MAMDC2: variants seen among roughly 807,000 people sequenced by gnomAD.
MAMDC2 encodes MAM domain-containing protein 2.
A neutral mutation model predicts 89.8 loss-of-function variants in MAMDC2; 57 were observed. The observed-to-expected ratio is 0.63, with a 90% CI of 0.51 to 0.79. The LOEUF (loss-of-function observed/expected upper bound fraction) is 0.79. Among genes scored for constraint, MAMDC2 ranks in the 30% least tolerant of loss-of-function variants. The probability of loss-of-function intolerance (pLI) is 0.00; values close to 1 mark genes in which losing one functional copy is unlikely to be tolerated. For synonymous variants in MAMDC2, 313 were observed against 293.4 expected (o/e 1.07, Z -0.68); for missense variants, 800 against 820.6 (o/e 0.97, Z 0.31).
At chr9:70,140,014 G>T in intron 7 of MAMDC2, 131 bp from the exon 8 acceptor site, 1 of 873,774 alleles carries the variant, frequency 1.1e-6, no homozygotes, top group South Asian at 2.5e-5. Flanking sequence ...TTTGGATAAA[G>T]ATATTTAGTT....
chr9:70,208,084 C>T (rs930806905), intron 11 of MAMDC2, among the ~76,000 whole-genome samples: 1 of 152,098 alleles, frequency 6.6e-6, no homozygotes, highest in African/African-American at 2.4e-5. Flanking sequence ...CAGCTTTGTT[C>T]TTTTGGCTTA....
Position 70,226,134 on chromosome 9 carries a change from G to C in MAMDC2, c.*102G>C, listed in dbSNP as rs771608400. The C allele has an allele frequency of 9.2e-6, 6 of 652,492 alleles. No individual in the cohort carries two copies. Among genetic ancestry groups the C allele is most frequent in the East Asian group, 6.0e-5 (2 of 33,486 alleles). The allele number at this position is 652,492 out of a possible 1,614,324, so 40.4% of individuals were successfully genotyped here. ...CTGGACAGTCTTAACAATTTTATAAGTTATAAAATGACTTTAGAGCACCCT... is the reference window on the plus strand; with the variant it reads ...CTGGACAGTCTTAACAATTTTATAACTTATAAAATGACTTTAGAGCACCCT... On this transcript the variant is annotated 3_prime_UTR_variant, in exon 14 of 14. Coordinates refer to ENST00000377182, the MANE Select transcript of MAMDC2 (RefSeq NM_153267.5).
At chr9:70,182,462 T>A (rs899167266) in intron 11 of MAMDC2, among the ~76,000 whole-genome samples, 1 of 152,212 alleles carries the variant, frequency 6.6e-6, no homozygotes, top group Non-Finnish European at 1.5e-5. Context: ...CTGGTAGAAT[T>A]TGGCTGTGAA....
At chr9:70,204,894 A>G (rs1021122190) in intron 11 of MAMDC2, among the ~76,000 whole-genome samples, 3 of 152,144 alleles carry the variant, frequency 2.0e-5, no homozygotes, top group Non-Finnish European at 4.4e-5. Flanking sequence ...AGGTGAGGCA[A>G]TGCCCCGCCC....
chr9:70,046,534 T>C (rs1020748899), intron 2 of MAMDC2, among the ~76,000 whole-genome samples: 1 of 152,192 alleles, frequency 6.6e-6, no homozygotes, highest in Middle Eastern at 3.2e-3. Context: ...GGGGGCCCCC[T>C]CACAGCCTGC....
chr9:70,168,681 C>T, intron 9 of MAMDC2, 21 bp from the exon 10 acceptor site: 1 of 1,595,930 alleles, frequency 6.3e-7, no homozygotes, highest in Non-Finnish European at 8.6e-7. Context: ...GAATTCATAG[C>T]TTTATTTTTA....
At position 70,140,146 on chromosome 9, in the gene MAMDC2, A is replaced by G. The variant is rs1186437516; in HGVS notation, c.996A>G (p.Glu332=). The G allele has an allele frequency of 6.4e-7, 1 of 1,564,372 alleles. No individual in the cohort carries two copies. Among genetic ancestry groups the G allele is most frequent in the East Asian group, 2.3e-5 (1 of 42,656 alleles). ...TAACTTTGCTTGTCCTTTGCTCAGA[A>G]CTTCTGTTCAGTGCCGTGGAAGCCA... is the stretch of plus-strand genomic sequence containing the variant. ...FSPVHCQNQT[E]LLFSAVEASC... is the part of the protein sequence containing the mutation. Residue 332 remains glutamate, a splice_region_variant and synonymous_variant, in exon 8 of 14, where the codon GAA becomes GAG. Coordinates refer to ENST00000377182, the MANE Select transcript of MAMDC2 (RefSeq NM_153267.5).
intron 7 of MAMDC2, among the ~76,000 whole-genome samples, chr9:70,134,761 C>T (rs1249132176): frequency 2.6e-5 from 4 of 152,212 alleles, no homozygotes; most frequent in African/African-American, 4.8e-5. Flanking sequence ...AGGGTCTCCA[C>T]AGCCTAGTCG....
intron 2 of MAMDC2, among the ~76,000 whole-genome samples, chr9:70,095,669 G>A (rs1276442865): frequency 6.6e-6 from 1 of 152,180 alleles, no homozygotes; most frequent in East Asian, 1.9e-4. Context: ...AAGTGATAGG[G>A]GATCAGGCCA....
chr9:70,210,931 T>C (rs540962782), intron 11 of MAMDC2, among the ~76,000 whole-genome samples: 4 of 152,336 alleles, frequency 2.6e-5, no homozygotes, highest in Admixed American at 6.5e-5. Flanking sequence ...TGAAAATTCT[T>C]TTCTTTAAGA....
At chr9:70,134,754 G>A (rs549724467) in intron 7 of MAMDC2, among the ~76,000 whole-genome samples, 2 of 152,242 alleles carry the variant, frequency 1.3e-5, no homozygotes, top group South Asian at 4.1e-4. Flanking sequence ...GCCCCCAAGG[G>A]TCTCCACAGC....
intron 2 of MAMDC2, among the ~76,000 whole-genome samples, chr9:70,049,935 G>A (rs896479950): frequency 4.6e-5 from 7 of 151,994 alleles, no homozygotes; most frequent in Admixed American, 2.0e-4. Context: ...ACCAAGTCAG[G>A]CAGCCCTTGG....
chr9:70,158,754 C>T (rs1362405618), intron 9 of MAMDC2, among the ~76,000 whole-genome samples: 1 of 151,966 alleles, frequency 6.6e-6, no homozygotes, highest in African/African-American at 2.4e-5. Flanking sequence ...AATATTTATA[C>T]AAACCTAGAT....
intron 9 of MAMDC2, among the ~76,000 whole-genome samples, chr9:70,146,564 AC>A (rs1732629492): frequency 1.3e-5 from 2 of 152,172 alleles, no homozygotes; most frequent in South Asian, 4.1e-4. Context: ...AAATAAACAT[AC>A]AAAAATATAT....
chr9:70,178,239 A>G (rs2032557519), intron 11 of MAMDC2, among the ~76,000 whole-genome samples: 1 of 152,198 alleles, frequency 6.6e-6, no homozygotes, highest in South Asian at 2.1e-4. Context: ...TTACAGTTCT[A>G]GGGGCTGCAA....
chr9:70,139,636 A>C (rs1051294626), intron 7 of MAMDC2, among the ~76,000 whole-genome samples: 1 of 152,178 alleles, frequency 6.6e-6, no homozygotes, highest in Admixed American at 6.5e-5. Context: ...GTATATACCC[A>C]GTAATGGGAT....
At chr9:70,117,508 A>G (rs907269306) in intron 5 of MAMDC2, among the ~76,000 whole-genome samples, 3 of 152,206 alleles carry the variant, frequency 2.0e-5, no homozygotes, top group African/African-American at 7.2e-5. Context: ...CCTAATGTAG[A>G]TGATGGGTTG....
chr9:70,212,296 G>A (rs775691649), intron 11 of MAMDC2, among the ~76,000 whole-genome samples: 9 of 152,236 alleles, frequency 5.9e-5, no homozygotes, highest in African/African-American at 9.6e-5. Flanking sequence ...CTTCCTGGCC[G>A]CTTTGTGTAC....
At chr9:70,085,343 G>C (rs1009113752) in intron 2 of MAMDC2, among the ~76,000 whole-genome samples, 1 of 151,972 alleles carries the variant, frequency 6.6e-6, no homozygotes, top group Non-Finnish European at 1.5e-5. Context: ...ATTCCATCAA[G>C]GGGTGGTGCC....
Sources: allele counts gnomAD v4.1 joint callset (sites outside exome capture counted in the v4.1 genomes callset), GRCh38; gene constraint gnomAD v4.1.1; transcripts MANE v1.5; gene names NCBI Gene and HGNC (gene_info 2026-07-23, HGNC 2026-07-21).